Variants in SMOC2 observed in about 807,000 individuals in gnomAD.
SMOC2 encodes SPARC related modular calcium binding 2.
SMOC2 carries 39 observed loss-of-function variants against 61.4 expected under a neutral mutation model. That is an observed-to-expected ratio of 0.64 (90% CI 0.49 to 0.83). The LOEUF (loss-of-function observed/expected upper bound fraction) is 0.83, where lower values mean the gene tolerates loss of function less well. Ranked by LOEUF, SMOC2 falls within the 40% of genes least tolerant of loss-of-function variation. SMOC2 has a pLI of 0.00. For synonymous variants in SMOC2, 247 were observed against 239.9 expected, an observed-to-expected ratio of 1.03 and a Z score of -0.27; for missense variants, 556 against 592.9, an observed-to-expected ratio of 0.94 and a Z score of 0.65.
chr6:168,603,238 A>C (rs2115193819), intron 8 of SMOC2, among the ~76,000 whole-genome samples: 1 of 129,212 alleles, frequency 7.7e-6, no homozygotes, highest in South Asian at 2.6e-4. Context: ...TGAGTCAATT[A>C]AACCTTTTTT....
At position 168,527,879 on chromosome 6, in the gene SMOC2, C is replaced by T. The variant is rs868311893; in HGVS notation, c.463+152C>T. ...CAGTGGGAATAGATCTCGTCACTGACAAAGCCTACATTTTAGGGAGCCCTT... is the reference window on the plus strand; with the variant it reads ...CAGTGGGAATAGATCTCGTCACTGATAAAGCCTACATTTTAGGGAGCCCTT... On this transcript the variant is annotated intron_variant, in intron 4 of 12. Transcript: ENST00000356284. The T allele has an allele frequency of 2.0e-5, 13 of 635,924 alleles. No individual in the cohort carries two copies. In the Middle Eastern group the frequency reaches 1.4e-3, roughly 69 times the overall value. 39.4% of individuals were successfully genotyped at this position (635,924 alleles called of 1,614,324 possible).
rs1787687975 is a variant in SMOC2, at chr6:168,667,387, AGCCGGATACGTGGT to A, written c.*953_*966del. The A allele has an allele frequency of 6.6e-6, 1 of 152,184 alleles. No individual in the cohort carries two copies. The highest frequency in any genetic ancestry group is 1.5e-5 in the Non-Finnish European group (1 of 68,036). 9.4% of individuals were successfully genotyped at this position (152,184 alleles called of 1,614,324 possible). ...TGAGCAGTCTCCTTACTGAAGGTAC[AGCCGGATACGTGGT>A]GCCCCCGGGGCTGGTGTTGGCAGCC... is the stretch of plus-strand genomic sequence containing the variant. On this transcript the variant is annotated 3_prime_UTR_variant, in exon 13 of 13. Coordinates refer to ENST00000356284, the MANE Select transcript of SMOC2 (RefSeq NM_001166412.2).
Position 168,650,765 on chromosome 6 carries a change from C to T in SMOC2, c.992C>T (p.Pro331Leu). The change falls in exon 10 of 13, where the codon CCC becomes CTC. Residue 331 changes from proline to leucine, a missense_variant. Transcript: ENST00000356284. The stretch of plus-strand genomic sequence containing the variant: ...GACATGGTCCACGCCGCCTCCGACC[C>T]CTCCTCCTCGTCAGGCAGGTACGCT... ...STDMVHAASD[P>L]SSSSGRLSEP... 4 of 1,612,044 alleles carry T rather than the reference C, an allele frequency of 2.5e-6. No individual in the cohort carries two copies. The highest frequency in any genetic ancestry group is 3.4e-6 in the Non-Finnish European group (4 of 1,179,856).
chr6:168,521,559 C>A (rs1783330502), intron 2 of SMOC2, among the ~76,000 whole-genome samples: 1 of 152,122 alleles, frequency 6.6e-6, no homozygotes, highest in Admixed American at 6.5e-5. Flanking sequence ...AAATTGCTTG[C>A]ACAATTAACT....
chr6:168,603,518 T>G (rs545079729), intron 8 of SMOC2, among the ~76,000 whole-genome samples: 225 of 152,144 alleles, frequency 1.5e-3, no homozygotes, highest in African/African-American at 5.3e-3. Context: ...TTACCTTTTA[T>G]TCAGTAAACA....
At chr6:168,466,256 G>C (rs567593676) in intron 1 of SMOC2, among the ~76,000 whole-genome samples, 116 of 151,100 alleles carry the variant, frequency 7.7e-4, no homozygotes, top group African/African-American at 2.5e-3. Context: ...TGGATGAAGC[G>C]AGGTGCTGCT....
chr6:168,557,125 G>T (rs955415368), intron 7 of SMOC2, among the ~76,000 whole-genome samples: 3 of 151,938 alleles, frequency 2.0e-5, no homozygotes, highest in African/African-American at 7.3e-5. Flanking sequence ...ATGGGAAAAC[G>T]ATACAAATTA....
chr6:168,545,201 C>T (rs928452285), intron 5 of SMOC2, among the ~76,000 whole-genome samples: 7 of 151,760 alleles, frequency 4.6e-5, no homozygotes, highest in Non-Finnish European at 7.4e-5. Context: ...GAAGGATCAT[C>T]GTCTTTCAGA....
intron 1 of SMOC2, among the ~76,000 whole-genome samples, chr6:168,451,925 G>T (rs1011318637): frequency 1.3e-5 from 2 of 152,234 alleles, no homozygotes; most frequent in Non-Finnish European, 2.9e-5. Flanking sequence ...ACATCCAGGT[G>T]CAATCACCCA....
At chr6:168,602,244 G>A (rs114634668) in intron 8 of SMOC2, among the ~76,000 whole-genome samples, 3,647 of 152,148 alleles carry the variant, frequency 0.024, 134 homozygotes, top group African/African-American at 0.084. Flanking sequence ...CTTCTCACTC[G>A]ACTCTCTGGA....
At position 168,526,443 on chromosome 6, in the gene SMOC2, C is replaced by G. The variant is rs1783454916; in HGVS notation, c.354C>G (p.Thr118=). 1 of 1,614,004 alleles carries G rather than the reference C, an allele frequency of 6.2e-7. No homozygotes were observed. Among genetic ancestry groups the G allele is most frequent in the African/African-American group, 1.3e-5 (1 of 75,030 alleles). ...VFIPECNDDG[T]YSQVQCHSYT... is the part of the protein sequence containing the mutation. ...TTCCTGAGTGCAATGACGACGGCAC[C>G]TACAGTCAGGTTACCGGCCTTGCTT... The change falls in exon 3 of 13, where the codon ACC becomes ACG. Residue 118 remains threonine, a synonymous_variant. Transcript: ENST00000356284.
chr6:168,515,793 G>A (rs970894537), intron 2 of SMOC2, among the ~76,000 whole-genome samples: 5 of 152,030 alleles, frequency 3.3e-5, no homozygotes, highest in Admixed American at 1.3e-4. Context: ...GAACAGACAC[G>A]GGGCTTGGTG....
rs144393988 is a variant in SMOC2 at position 168,595,484 on chromosome 6, G to A, written c.638-3334G>A. Among the ~76,000 whole-genome samples the A allele has an allele frequency of 2.3e-3, 349 of 152,314 alleles. 2 individuals are homozygous for A. Among genetic ancestry groups the A allele is most frequent in the African/African-American group, 7.9e-3 (330 of 41,572 alleles). On this transcript the variant is annotated intron_variant, in intron 7 of 12. Coordinates refer to ENST00000356284, the MANE Select transcript of SMOC2 (RefSeq NM_001166412.2). Reference sequence around the variant, plus strand: ...GTCAGCTCTGCCTGCAGAACGCTGCGTTCTGGGGTGCCCCAGGAGGGAGTG... The same window carrying A: ...GTCAGCTCTGCCTGCAGAACGCTGCATTCTGGGGTGCCCCAGGAGGGAGTG...
intron 7 of SMOC2, among the ~76,000 whole-genome samples, chr6:168,580,791 C>A (rs908180865): frequency 6.6e-6 from 1 of 152,196 alleles, no homozygotes; most frequent in Non-Finnish European, 1.5e-5. Context: ...GATCCTCCTA[C>A]CTCAGCCTCC....
At chr6:168,571,373 A>C (rs1374886009) in intron 7 of SMOC2, among the ~76,000 whole-genome samples, 2 of 152,122 alleles carry the variant, frequency 1.3e-5, no homozygotes, top group Non-Finnish European at 2.9e-5. Context: ...CCGTCGGCAA[A>C]TGTTACTCCA....
chr6:168,615,030 G>A (rs1445580923), intron 9 of SMOC2, among the ~76,000 whole-genome samples: 2 of 83,392 alleles, frequency 2.4e-5, no homozygotes, highest in African/African-American at 9.1e-5. Context: ...GCCAGCACAG[G>A]GCCTCTTCAC....
At chr6:168,600,726 G>A (rs1274261847) in intron 8 of SMOC2, among the ~76,000 whole-genome samples, 3 of 152,204 alleles carry the variant, frequency 2.0e-5, no homozygotes, top group Admixed American at 1.3e-4. Flanking sequence ...TGTCCAAGAT[G>A]GCTTTTTATG....
intron 7 of SMOC2, among the ~76,000 whole-genome samples, chr6:168,579,554 A>G (rs1342211989): frequency 6.6e-6 from 1 of 152,272 alleles, no homozygotes; most frequent in African/African-American, 2.4e-5. Context: ...CTGACAGAGA[A>G]TAAAGTCGCA....
rs541298413 is a variant in SMOC2, at chr6:168,515,725, C to T, written c.256+5639C>T. ...ATCCAGCCTGTCCCACTGCTGCAAACGCAGCATAGGGGCTCCTGGGGAGCA... is the reference window on the plus strand; with the variant it reads ...ATCCAGCCTGTCCCACTGCTGCAAATGCAGCATAGGGGCTCCTGGGGAGCA... On this transcript the variant is annotated intron_variant, in intron 2 of 12. Coordinates refer to ENST00000356284, the MANE Select transcript of SMOC2 (RefSeq NM_001166412.2). Among the ~76,000 whole-genome samples, 101 of 149,960 alleles carry T rather than the reference C, an allele frequency of 6.7e-4. 1 individual carries two copies. Among genetic ancestry groups the T allele is most frequent in the South Asian group, 5.0e-3 (23 of 4,614 alleles).
Sources: gnomAD v4.1 joint callset for allele counts (sites outside exome capture counted in the v4.1 genomes callset) on GRCh38, gnomAD v4.1.1 for gene constraint, MANE v1.5 for transcripts, NCBI Gene and HGNC (gene_info 2026-07-23, HGNC 2026-07-21) for gene names.